MOSMO: variants seen among roughly 807,000 people sequenced by gnomAD.
MOSMO encodes the protein modulator of smoothened protein.
Under a neutral mutation model 18.4 loss-of-function variants are expected in MOSMO, and 5 were observed. The ratio of observed to expected loss-of-function variants is 0.27; its 90% CI spans 0.14 to 0.57. The LOEUF (loss-of-function observed/expected upper bound fraction) is 0.57. Ranked by LOEUF, MOSMO falls within the 20% of genes least tolerant of loss-of-function variation. The pLI is 0.92. For missense variants in MOSMO, 138 were observed against 211.8 expected, an observed-to-expected ratio of 0.65 and a Z score of 2.16; for synonymous variants, 82 against 82.3, an observed-to-expected ratio of 1.00 and a Z score of 0.02.
At position 22,081,000 on chromosome 16, in the gene MOSMO, A is replaced by G. The variant is rs1901068040; in HGVS notation, c.*120A>G. 1 of 401,736 alleles carries G rather than the reference A, an allele frequency of 2.5e-6. No individual in the cohort carries two copies. Among genetic ancestry groups the G allele is most frequent in the Non-Finnish European group, 4.2e-6 (1 of 237,208 alleles). The allele number at this position is 401,736 out of a possible 1,614,324, so 24.9% of individuals were successfully genotyped here. On this transcript the variant is annotated 3_prime_UTR_variant, in exon 3 of 3. Transcript: ENST00000542527. Reference sequence around the variant, plus strand: ...AGGCCTCTCATGGGAAGATGCTCAGATGAAACTGATGCTGAGAAGGAAAAA... The same window carrying G: ...AGGCCTCTCATGGGAAGATGCTCAGGTGAAACTGATGCTGAGAAGGAAAAA...
intron 1 of MOSMO, among the ~76,000 whole-genome samples, chr16:22,040,045 A>G (rs1425518123): frequency 5.3e-5 from 8 of 152,250 alleles, no homozygotes; most frequent in African/African-American, 1.2e-4. Context: ...TGAATGAAAT[A>G]TAGTAGGAAC....
Position 22,017,452 on chromosome 16 carries a change from C to A in MOSMO, c.106+9045C>A, listed in dbSNP as rs140658099. On this transcript the variant is annotated intron_variant, in intron 1 of 2. Coordinates refer to ENST00000542527, the MANE Select transcript of MOSMO (RefSeq NM_001164579.2). ...TGTATTTTCAAGTTCTGAAGCTACA[C>A]CTTTTTTTCCAAGTACTTTCTAGAA... Among the ~76,000 whole-genome samples the A allele has an allele frequency of 2.0e-4, 31 of 152,270 alleles. No individual in the cohort carries two copies. In the East Asian group the frequency reaches 5.0e-3, roughly 25 times the overall value.
chr16:22,055,319 C>T (rs931560464), intron 1 of MOSMO, among the ~76,000 whole-genome samples: 3 of 152,170 alleles, frequency 2.0e-5, no homozygotes, highest in Non-Finnish European at 4.4e-5. Flanking sequence ...AGTCAACACA[C>T]TGCTTCTGGG....
chr16:22,060,092 G>A (rs1295457556), intron 1 of MOSMO, among the ~76,000 whole-genome samples: 1 of 152,168 alleles, frequency 6.6e-6, no homozygotes, highest in Non-Finnish European at 1.5e-5. Context: ...CAGTAGGATC[G>A]CTTGATCCCA....
chr16:22,074,672 T>C (rs1900928641), intron 1 of MOSMO, among the ~76,000 whole-genome samples: 1 of 152,212 alleles, frequency 6.6e-6, no homozygotes, highest in African/African-American at 2.4e-5. Context: ...CCCTTGGGTT[T>C]GACATGAGAA....
chr16:22,058,440 A>AG (rs1465843070), intron 1 of MOSMO, among the ~76,000 whole-genome samples: 1 of 151,866 alleles, frequency 6.6e-6, no homozygotes, highest in Non-Finnish European at 1.5e-5. Context: ...AAAAAAAAAA[A>AG]AAAGAAAGAA....
chr16:22,051,364 C>A (rs1267163413), intron 1 of MOSMO, among the ~76,000 whole-genome samples: 1 of 150,822 alleles, frequency 6.6e-6, no homozygotes, highest in African/African-American at 2.4e-5. Flanking sequence ...CCAGCCTGGG[C>A]GACAGAGCAA....
intron 1 of MOSMO, among the ~76,000 whole-genome samples, chr16:22,053,771 C>T (rs1900476420): frequency 6.6e-6 from 1 of 152,090 alleles, no homozygotes; most frequent in Non-Finnish European, 1.5e-5. Flanking sequence ...CCACTGCACT[C>T]CAGCCTGGGC....
chr16:22,066,376 T>A (rs1390396222), intron 1 of MOSMO, among the ~76,000 whole-genome samples: 1 of 152,160 alleles, frequency 6.6e-6, no homozygotes, highest in Non-Finnish European at 1.5e-5. Context: ...AGGAATAGAA[T>A]GTCCATAGGA....
chr16:22,054,862 G>T (rs1900501309), intron 1 of MOSMO, among the ~76,000 whole-genome samples: 1 of 151,546 alleles, frequency 6.6e-6, no homozygotes, highest in South Asian at 2.1e-4. Flanking sequence ...TCATTTTAGA[G>T]TAATAATTTG....
chr16:22,075,586 T>G lies in MOSMO; in HGVS notation c.206T>G (p.Leu69Arg). ...CTTCCCCCGGAGTGGGTCACCACAC[T>G]GTTTTTTATCATCATGGGAATCATT... ...PRLPPEWVTT[L>R]FFIIMGIISL... Residue 69 changes from leucine to arginine, a missense_variant, in exon 2 of 3, where the codon CTG (leucine) becomes CGG (arginine). Leu to Arg is a moderately radical substitution (Grantham distance 102). Coordinates refer to ENST00000542527, the MANE Select transcript of MOSMO (RefSeq NM_001164579.2). The G allele has an allele frequency of 2.0e-6, 3 of 1,537,328 alleles. No homozygotes were observed. In the South Asian group the frequency reaches 3.6e-5, roughly 18 times the overall value.
intron 1 of MOSMO, among the ~76,000 whole-genome samples, chr16:22,018,136 G>A (rs531641842): frequency 7.2e-5 from 11 of 151,990 alleles, no homozygotes; most frequent in South Asian, 2.1e-4. Context: ...GACACTTGCC[G>A]TTGTATATAT....
intron 1 of MOSMO, among the ~76,000 whole-genome samples, chr16:22,069,683 A>G (rs534490410): frequency 6.6e-6 from 1 of 152,148 alleles, no homozygotes; most frequent in Non-Finnish European, 1.5e-5. Context: ...CAAGAGCTCT[A>G]TCAAAATGGT....
chr16:22,008,490 G>A (rs942075514), intron 1 of MOSMO, 83 bp downstream of exon 1: 5 of 984,524 alleles, frequency 5.1e-6, no homozygotes, highest in East Asian at 3.0e-5. Flanking sequence ...AGGAGAGGAC[G>A]GGGTGGAGGG....
intron 1 of MOSMO, among the ~76,000 whole-genome samples, chr16:22,055,639 A>C (rs866372375): frequency 2.4e-4 from 36 of 152,162 alleles, no homozygotes; most frequent in African/African-American, 7.7e-4. Context: ...ATGGATGGTA[A>C]AGACTTCATT....
chr16:22,075,435 C>A, intron 1 of MOSMO, 52 bp from the exon 2 acceptor site: 2 of 1,277,498 alleles, frequency 1.6e-6, no homozygotes, highest in South Asian at 1.6e-5. Context: ...GAGGAATATT[C>A]CCTGGACAGG....
intron 1 of MOSMO, among the ~76,000 whole-genome samples, chr16:22,022,270 G>A (rs746044442): frequency 1.3e-5 from 2 of 150,298 alleles, no homozygotes; most frequent in Non-Finnish European, 3.0e-5. Flanking sequence ...CAGTTCTCCC[G>A]CCCTGACCTC....
At chr16:22,041,961 C>T (rs757314117) in intron 1 of MOSMO, among the ~76,000 whole-genome samples, 2 of 152,132 alleles carry the variant, frequency 1.3e-5, no homozygotes, top group Non-Finnish European at 2.9e-5. Flanking sequence ...GCTAGGATAA[C>T]AGGTGTGAGC....
chr16:22,076,760 C>T (rs982811731), intron 2 of MOSMO, among the ~76,000 whole-genome samples: 2 of 152,160 alleles, frequency 1.3e-5, no homozygotes, highest in African/African-American at 4.8e-5. Context: ...TAAAGGGCTG[C>T]AGGAGAGTGA....
Sources: gnomAD v4.1 joint callset for allele counts (sites outside exome capture counted in the v4.1 genomes callset) on GRCh38, gnomAD v4.1.1 for gene constraint, MANE v1.5 for transcripts, NCBI Gene and HGNC (gene_info 2026-07-23, HGNC 2026-07-21) for gene names.